Variants in THAP4 observed in about 807,000 individuals in gnomAD.
THAP4 encodes the protein peroxynitrite isomerase THAP4.
Under a neutral mutation model 48.1 loss-of-function variants are expected in THAP4, and 18 were observed. The ratio of observed to expected loss-of-function variants is 0.37; its 90% CI spans 0.26 to 0.56. The LOEUF is 0.56. Ranked by LOEUF, THAP4 falls within the 20% of genes least tolerant of loss-of-function variation. The pLI, the probability that THAP4 is intolerant of heterozygous loss-of-function variation, is 0.78. For missense variants in THAP4, 656 were observed against 774.9 expected (o/e 0.85, Z 1.82); for synonymous variants, 345 against 324.9 (o/e 1.06, Z -0.66).
intron 2 of THAP4, among the ~76,000 whole-genome samples, chr2:241,609,436 T>C (rs2067233808): frequency 6.6e-6 from 1 of 152,254 alleles, no homozygotes; most frequent in Non-Finnish European, 1.5e-5. Flanking sequence ...CAGCCAGCTA[T>C]AGCCTTGGAG....
At chr2:241,608,870 G>A (rs2067223989) in intron 2 of THAP4, among the ~76,000 whole-genome samples, 1 of 152,248 alleles carries the variant, frequency 6.6e-6, no homozygotes, top group African/African-American at 2.4e-5. Flanking sequence ...GACCAGGCAG[G>A]GGATCAGGGT....
At chr2:241,613,918 G>A (rs1486208801) in intron 2 of THAP4, among the ~76,000 whole-genome samples, 1 of 152,116 alleles carries the variant, frequency 6.6e-6, no homozygotes, top group African/African-American at 2.4e-5. Flanking sequence ...TTGAGAGACC[G>A]AGGTGGGTGG....
chr2:241,602,937 G>A (rs759338018), intron 4 of THAP4, 33 bp downstream of exon 4: 3 of 1,540,024 alleles, frequency 1.9e-6, no homozygotes, highest in Non-Finnish European at 2.7e-6. Context: ...GCCTCCCATG[G>A]CCAGCCCTCC....
At position 241,622,960 on chromosome 2, in the gene THAP4, G is replaced by A. The variant is rs146633210; in HGVS notation, c.1240+9957C>T. Among the ~76,000 whole-genome samples the A allele has an allele frequency of 6.3e-3, 959 of 152,260 alleles. 11 individuals carry two copies. The highest frequency in any genetic ancestry group is 0.02 in the African/African-American group (824 of 41,540). ...AGGCCAGGCACGGTGGCTCACGGCT[G>A]TAATCCCAGCACTTTGGGAGGCCGA... On this transcript the variant is annotated intron_variant, in intron 2 of 5. Coordinates refer to ENST00000407315, the MANE Select transcript of THAP4 (RefSeq NM_015963.6).
intron 1 of THAP4, 92 bp from the exon 2 acceptor site, chr2:241,634,171 G>A (rs542554441): frequency 3.0e-5 from 29 of 962,164 alleles, no homozygotes; most frequent in Admixed American, 1.3e-4. Context: ...ATTTTTGCAC[G>A]CACCCTAAGC....
At chr2:241,634,887 C>A (rs2067616380) in intron 1 of THAP4, among the ~76,000 whole-genome samples, 1 of 152,146 alleles carries the variant, frequency 6.6e-6, no homozygotes, top group Non-Finnish European at 1.5e-5. Flanking sequence ...TGAAATAGGG[C>A]AGGTGCAAAA....
chr2:241,602,047 G>A, intron 4 of THAP4, 48 bp from the exon 5 acceptor site: 2 of 1,584,386 alleles, frequency 1.3e-6, no homozygotes, highest in African/African-American at 1.3e-5. Flanking sequence ...TCGGCTTGCA[G>A]AGAGGCAGCC....
Position 241,633,027 on chromosome 2 carries a change from C to T in THAP4, c.1130G>A (p.Arg377Gln), listed in dbSNP as rs760981400. 8 of 1,613,728 alleles carry T rather than the reference C, an allele frequency of 5.0e-6. No individual in the cohort carries two copies. Among genetic ancestry groups the T allele is most frequent in the African/African-American group, 1.3e-5 (1 of 74,952 alleles). ...GCTGTCGGAGCGGCTGACCCTCTGCCGCAGGCTCTTCAGCTCGCCGTTCTT... is the reference window on the plus strand; with the variant it reads ...GCTGTCGGAGCGGCTGACCCTCTGCTGCAGGCTCTTCAGCTCGCCGTTCTT... Reference protein sequence around the residue: ...EKKNGELKSLRQRVSRSDSQV... With the variant: ...EKKNGELKSLQQRVSRSDSQV... The change falls in exon 2 of 6, where the codon CGG becomes CAG. Residue 377 changes from arginine (R) to glutamine (Q), a missense_variant. Physicochemically the swap from Arg to Gln is conservative, Grantham distance 43 (BLOSUM62 1). Around this residue, in one of 4 missense-constraint regions of THAP4, gnomAD observed 391 missense variants for 412.4 expected, o/e 0.95. Coordinates refer to ENST00000407315, the MANE Select transcript of THAP4 (RefSeq NM_015963.6). This position sits in a 1 kb window ranked among gnomAD's most constrained non-coding sequence, Gnocchi z 7.5.
chr2:241,633,303 G>A lies in THAP4; in HGVS notation c.854C>T (p.Pro285Leu), dbSNP rs776402527. ...GPDKGLAQSPPSSSLTATPQK... is the reference protein window; with the variant it reads ...GPDKGLAQSPLSSSLTATPQK... ...CGGTGTCGCGGTAAGTGATGAGCTGGGAGGGCTCTGGGCCAGGCCCTTGTC... is the reference window on the plus strand; with the variant it reads ...CGGTGTCGCGGTAAGTGATGAGCTGAGAGGGCTCTGGGCCAGGCCCTTGTC... The change falls in exon 2 of 6, where the codon CCC becomes CTC. Residue 285 changes from proline to leucine, a missense_variant. Around this residue, in one of 4 missense-constraint regions of THAP4, gnomAD observed 391 missense variants for 412.4 expected, o/e 0.95. Coordinates refer to ENST00000407315, the MANE Select transcript of THAP4 (RefSeq NM_015963.6). This position sits in a 1 kb window ranked among gnomAD's most constrained non-coding sequence, Gnocchi z 7.5. 3.7e-6 allele frequency: 6 copies of A among 1,612,250 alleles called. No individual in the cohort carries two copies. The African/African-American group carries it at 8.0e-5, about 22-fold the overall frequency.
chr2:241,584,766 T>C, intron 5 of THAP4, 41 bp from the exon 6 acceptor site: 2 of 1,613,410 alleles, frequency 1.2e-6, no homozygotes, highest in Non-Finnish European at 1.7e-6. Context: ...AGTTTTATCT[T>C]CAAAAGATTC....
Position 241,584,481 on chromosome 2 carries a change from C to A in THAP4, c.*125G>T. 1.9e-6 allele frequency: 2 copies of A among 1,027,268 alleles called. No individual in the cohort carries two copies. The highest frequency in any genetic ancestry group is 1.5e-6 in the Non-Finnish European group (1 of 683,788). The allele number at this position is 1,027,268 out of a possible 1,614,324, so 63.6% of individuals were successfully genotyped here. On this transcript the variant is annotated 3_prime_UTR_variant, in exon 6 of 6. Coordinates refer to ENST00000407315, the MANE Select transcript of THAP4 (RefSeq NM_015963.6). ...CTATGCCAGTACAGAAACATCTGGA[C>A]AACACTCTTGAGCCTGCAGAGGCTC...
upstream of THAP4, chr2:241,637,529 C>CG (rs2067700124): frequency 1.4e-6 from 2 of 1,443,426 alleles, no homozygotes; most frequent in Non-Finnish European, 1.8e-6. Flanking sequence ...CAGGGCGCCC[C>CG]GGGGCTCGCG....
At chr2:241,589,037 C>A (rs940150982) in intron 5 of THAP4, among the ~76,000 whole-genome samples, 4 of 151,972 alleles carry the variant, frequency 2.6e-5, no homozygotes, top group Non-Finnish European at 5.9e-5. Flanking sequence ...CATGGTGAAA[C>A]CCCGTCTTTA....
chr2:241,631,619 T>C (rs1026096236), intron 2 of THAP4, among the ~76,000 whole-genome samples: 2 of 151,800 alleles, frequency 1.3e-5, no homozygotes, highest in African/African-American at 2.4e-5. Context: ...GCGTGCACCA[T>C]GGTACTCGGC....
chr2:241,628,818 T>TA (rs2067524501), intron 2 of THAP4, among the ~76,000 whole-genome samples: 1 of 147,974 alleles, frequency 6.8e-6, no homozygotes. Flanking sequence ...CACATGCCTG[T>TA]AGTCCCAGCT....
chr2:241,589,076 G>A (rs190882203), intron 5 of THAP4, among the ~76,000 whole-genome samples: 1 of 152,080 alleles, frequency 6.6e-6, no homozygotes, highest in African/African-American at 2.4e-5. Context: ...AGCCGGCCAT[G>A]GTGGTGGGAG....
At chr2:241,619,649 C>G (rs1262331111) in intron 2 of THAP4, among the ~76,000 whole-genome samples, 1 of 152,126 alleles carries the variant, frequency 6.6e-6, no homozygotes, top group Non-Finnish European at 1.5e-5. Flanking sequence ...TGGGCAGTTG[C>G]TCTGGGTGAG....
chr2:241,602,516 C>A (rs1333704218), intron 4 of THAP4, among the ~76,000 whole-genome samples: 1 of 152,164 alleles, frequency 6.6e-6, no homozygotes, highest in Non-Finnish European at 1.5e-5. Flanking sequence ...CAGGCATGCA[C>A]CACCACACCC....
intron 5 of THAP4, among the ~76,000 whole-genome samples, chr2:241,591,461 T>C (rs541089693): frequency 2.0e-5 from 3 of 152,282 alleles, no homozygotes; most frequent in East Asian, 1.9e-4. Flanking sequence ...AAAGTATACC[T>C]CAATAGAGGT....
Sources: gnomAD v4.1 joint callset for allele counts (sites outside exome capture counted in the v4.1 genomes callset) on GRCh38, gnomAD v4.1.1 for gene constraint, gnomAD v4.1.1 regional missense constraint, Gnocchi (gnomAD v3.1) non-coding constraint, MANE v1.5 for transcripts, NCBI Gene and HGNC (gene_info 2026-07-23, HGNC 2026-07-21) for gene names.